MYO1F: variants seen among roughly 807,000 people sequenced by gnomAD.
MYO1F encodes the protein unconventional myosin-If.
MYO1F carries 60 observed loss-of-function variants against 146.6 expected under a neutral mutation model. The ratio of observed to expected loss-of-function variants is 0.41; its 90% CI spans 0.33 to 0.51. MYO1F has a LOEUF of 0.51. Ranked by LOEUF, MYO1F falls within the 20% of genes least tolerant of loss-of-function variation. MYO1F has a pLI of 0.25. For missense variants in MYO1F, 1,274 were observed against 1,534.3 expected (o/e 0.83, Z 2.83); for synonymous variants, 602 against 602.1 (o/e 1.00, Z 0.00).
intron 1 of MYO1F, among the ~76,000 whole-genome samples, chr19:8,556,789 A>C (rs2145933269): frequency 6.7e-6 from 1 of 149,002 alleles, no homozygotes; most frequent in South Asian, 2.2e-4. Context: ...CGGGAGGCTG[A>C]GGCAGGAGAA....
At chr19:8,531,612 G>A (rs1417349258) in intron 19 of MYO1F, among the ~76,000 whole-genome samples, 1 of 152,130 alleles carries the variant, frequency 6.6e-6, no homozygotes, top group Non-Finnish European at 1.5e-5. Context: ...TCCCCATGTG[G>A]GGTACACACT....
chr19:8,555,891 C>T, intron 1 of MYO1F, 95 bp from the exon 2 acceptor site: 1 of 1,241,170 alleles, frequency 8.1e-7, no homozygotes, highest in Non-Finnish European at 1.1e-6. Flanking sequence ...GTCCCACCTC[C>T]CCCGCCCCAC....
chr19:8,527,430 T>C lies in MYO1F; in HGVS notation c.2382A>G (p.Arg794=). The C allele has an allele frequency of 1.2e-6, 2 of 1,614,038 alleles. No individual in the cohort carries two copies. The highest frequency in any genetic ancestry group is 4.5e-5 in the East Asian group (2 of 44,874). The stretch of plus-strand genomic sequence containing the variant: ...TCTCAGGTCCCTTCTTCACTTTCTC[T>C]CGCCCAATCACATACACACACTTGG... ...LTPKCVYVIG[R]EKVKKGPEKG... is the part of the protein sequence containing the mutation. The change falls in exon 22 of 28, where the codon CGA becomes CGG. Residue 794 remains arginine, a synonymous_variant. Transcript: ENST00000644032.
chr19:8,540,604 G>A (rs187309177), intron 15 of MYO1F: 1 of 152,018 alleles, frequency 6.6e-6, no homozygotes, highest in Admixed American at 6.6e-5. Context: ...CAGCTACTCG[G>A]GAGGCTGAGG....
chr19:8,574,913 G>A (rs1328134872), intron 1 of MYO1F, among the ~76,000 whole-genome samples: 2 of 149,632 alleles, frequency 1.3e-5, no homozygotes, highest in Non-Finnish European at 3.0e-5. Flanking sequence ...GCACCACCAC[G>A]ACTGGCTAAT....
chr19:8,534,470 G>C (rs1370366866), intron 19 of MYO1F, among the ~76,000 whole-genome samples: 1 of 151,354 alleles, frequency 6.6e-6, no homozygotes, highest in African/African-American at 2.4e-5. Flanking sequence ...ACCATGCCCG[G>C]CTTATTTTGT....
At position 8,547,751 on chromosome 19, in the gene MYO1F, T is replaced by C. The variant is rs964897017; in HGVS notation, c.1269+285A>G. 5 of 445,040 alleles carry C rather than the reference T, an allele frequency of 1.1e-5. No individual in the cohort carries two copies. The Admixed American group carries it at 1.7e-4, about 15-fold the overall frequency. The allele number at this position is 445,040 out of a possible 1,614,324, so 27.6% of individuals were successfully genotyped here. A position where few individuals can be genotyped will look rare whatever the true frequency, so the allele number is the denominator to read the frequency against. On this transcript the variant is annotated intron_variant, in intron 12 of 27. Coordinates refer to ENST00000644032, the MANE Select transcript of MYO1F (RefSeq NM_012335.4). ...GGCAAAATGAAGACAGCAGGGACTA[T>C]TGCCTTATTGTTCATGGCTGTGTCT...
At chr19:8,565,325 C>T (rs1003376275) in intron 1 of MYO1F, among the ~76,000 whole-genome samples, 3 of 151,714 alleles carry the variant, frequency 2.0e-5, no homozygotes, top group African/African-American at 7.3e-5. Flanking sequence ...GGCAGATCAA[C>T]TGAGGTTGGG....
rs766616303 is a variant in MYO1F at position 8,536,354 on chromosome 19, C to T, written c.1941G>A (p.Gly647=). 3.7e-6 allele frequency: 6 copies of T among 1,605,548 alleles called. No individual in the cohort carries two copies. The South Asian group carries it at 6.6e-5, about 18-fold the overall frequency. The change falls in exon 19 of 28, where the codon GGG becomes GGA. Residue 647 remains glycine (G), a synonymous_variant. Transcript: ENST00000644032. ...LTPETWPRWR[G]DERQGVQHLL... ...GGTGCTGGACGCCCTGGCGTTCGTC[C>T]CCACGCCACCGCGGCCACGTCTCGG...
rs371339009 is a variant in MYO1F, at chr19:8,564,777, T to G, written c.4-8981A>C. Reference sequence around the variant, plus strand: ...GGGAGCCCGTGTTTCCTGTTTTTTTTTTGTTGTTGTTTTGAGACAGAGTCT... The same window carrying G: ...GGGAGCCCGTGTTTCCTGTTTTTTTGTTGTTGTTGTTTTGAGACAGAGTCT... On this transcript the variant is annotated intron_variant, in intron 1 of 27. Coordinates refer to ENST00000644032, the MANE Select transcript of MYO1F (RefSeq NM_012335.4). 1.4e-3 allele frequency among the ~76,000 whole-genome samples: 209 copies of G among 151,432 alleles called. 1 individual carries two copies. The highest frequency in any genetic ancestry group is 3.4e-3 in the Middle Eastern group (1 of 294).
chr19:8,523,227 G>A (rs934045102), intron 25 of MYO1F, among the ~76,000 whole-genome samples: 1 of 152,066 alleles, frequency 6.6e-6, no homozygotes, highest in African/African-American at 2.4e-5. Flanking sequence ...TAGAGACGGA[G>A]TTTCATCATG....
Position 8,556,659 on chromosome 19 carries a change from G to A in MYO1F, c.4-863C>T, listed in dbSNP as rs143778203. Among the ~76,000 whole-genome samples the A allele has an allele frequency of 7.3e-3, 1,100 of 151,720 alleles. 9 individuals carry two copies. The highest frequency in any genetic ancestry group is 0.012 in the Non-Finnish European group (804 of 67,922). On this transcript the variant is annotated intron_variant, in intron 1 of 27. Coordinates refer to ENST00000644032, the MANE Select transcript of MYO1F (RefSeq NM_012335.4). Reference sequence around the variant, plus strand: ...TCCCAGCACTTTGGGAGGCCAAGACGGGTGGATCACCTGAGGACGAGAGTT... The same window carrying A: ...TCCCAGCACTTTGGGAGGCCAAGACAGGTGGATCACCTGAGGACGAGAGTT...
At chr19:8,544,155 C>T (rs556335167) in intron 14 of MYO1F, 142 bp downstream of exon 14, 10 of 878,030 alleles carry the variant, frequency 1.1e-5, no homozygotes, top group South Asian at 5.8e-5. Context: ...TGGATTGAGG[C>T]GGGGGACAGT....
chr19:8,530,658 C>T lies in MYO1F; in HGVS notation c.2044-85G>A. ...CCGGGTTTTCCCTGCGCTCACCCTA[C>T]TCACACGCTTTTGCTCACCCATCCC... is the stretch of plus-strand genomic sequence containing the variant. On this transcript the variant is annotated intron_variant, in intron 19 of 27. Coordinates refer to ENST00000644032, the MANE Select transcript of MYO1F (RefSeq NM_012335.4). The surrounding 1 kb of genome is among the most constrained non-coding windows in gnomAD (Gnocchi z 5.8). 9.1e-7 allele frequency: 1 copy of T among 1,096,366 alleles called. No individual in the cohort carries two copies. The highest frequency in any genetic ancestry group is 1.4e-6 in the Non-Finnish European group (1 of 723,850). The allele number at this position is 1,096,366 out of a possible 1,614,324, so 67.9% of individuals were successfully genotyped here.
intron 1 of MYO1F, among the ~76,000 whole-genome samples, chr19:8,571,249 C>A (rs1555731787): frequency 6.6e-6 from 1 of 152,220 alleles, no homozygotes; most frequent in African/African-American, 2.4e-5. Flanking sequence ...GCTCCCAGAC[C>A]CTGCCCTGGT....
chr19:8,554,625 C>A, intron 3 of MYO1F, 29 bp downstream of exon 3: 3 of 1,612,482 alleles, frequency 1.9e-6, no homozygotes, highest in Non-Finnish European at 2.5e-6. Context: ...AGTCTGGGGG[C>A]TGTGCCTCCC....
intron 21 of MYO1F, among the ~76,000 whole-genome samples, chr19:8,528,923 G>A (rs1972374780): frequency 6.6e-6 from 1 of 152,150 alleles, no homozygotes; most frequent in African/African-American, 2.4e-5. Context: ...AGCCGGTTGA[G>A]CTGGCCTGCG....
chr19:8,533,920 C>G (rs1380601055), intron 19 of MYO1F, among the ~76,000 whole-genome samples: 1 of 152,058 alleles, frequency 6.6e-6, no homozygotes, highest in East Asian at 1.9e-4. Context: ...CGCGGTGGCT[C>G]ATGCATATAA....
At chr19:8,570,970 G>A (rs1416761038) in intron 1 of MYO1F, among the ~76,000 whole-genome samples, 1 of 152,190 alleles carries the variant, frequency 6.6e-6, no homozygotes, top group Non-Finnish European at 1.5e-5. Context: ...ATTCAACGAA[G>A]CAAAGGTTGT....
Sources: gnomAD v4.1 joint callset for allele counts (sites outside exome capture counted in the v4.1 genomes callset) on GRCh38, gnomAD v4.1.1 for gene constraint, Gnocchi (gnomAD v3.1) non-coding constraint, MANE v1.5 for transcripts, NCBI Gene and HGNC (gene_info 2026-07-23, HGNC 2026-07-21) for gene names.